SF1: variants seen among roughly 807,000 people sequenced by gnomAD.
The protein encoded by SF1 is branch point-binding protein.
Under a neutral mutation model 62.5 loss-of-function variants are expected in SF1, and 7 were observed. That is an observed-to-expected ratio of 0.11 (90% CI 0.06 to 0.21). SF1 has a LOEUF of 0.21. Among genes scored for constraint, SF1 ranks in the 10% least tolerant of loss-of-function variants. SF1 has a pLI of 1.00. For synonymous variants in SF1, 394 were observed against 323.6 expected, an observed-to-expected ratio of 1.22 and a Z score of -2.33; for missense variants, 578 against 884.0, an observed-to-expected ratio of 0.65 and a Z score of 4.39.
intron 2 of SF1, chr11:64,775,951 G>A (rs1236697481): frequency 6.4e-6 from 1 of 156,486 alleles, no homozygotes; most frequent in African/African-American, 2.4e-5. Flanking sequence ...CAGAAAAGAT[G>A]TTGAAGGGAA....
intron 8 of SF1, 131 bp from the exon 9 acceptor site, chr11:64,768,417 C>G: frequency 1.2e-6 from 1 of 806,914 alleles, no homozygotes; most frequent in South Asian, 1.6e-5. Flanking sequence ...ATCTTTCTAA[C>G]CCCTTACTGG....
chr11:64,767,966 A>C (rs1370333601), intron 9 of SF1, 122 bp from the exon 10 acceptor site: 1 of 1,467,956 alleles, frequency 6.8e-7, no homozygotes, highest in Non-Finnish European at 9.2e-7. Context: ...AGAAGTCCCC[A>C]AACTGGCCTG....
chr11:64,778,217 AG>A (rs1391056525), intron 1 of SF1, 144 bp downstream of exon 1: 23 of 1,140,204 alleles, frequency 2.0e-5, no homozygotes, highest in Non-Finnish European at 2.3e-5. Context: ...GGCCGCGGTC[AG>A]GGCCCCCATC....
rs747028951 is a variant in SF1, at chr11:64,767,769, T to C, written c.1144A>G (p.Met382Val). 5 of 1,613,608 alleles carry C rather than the reference T, an allele frequency of 3.1e-6. No individual in the cohort carries two copies. The highest frequency in any genetic ancestry group is 2.5e-6 in the Non-Finnish European group (3 of 1,179,742). ...GPSESRPYHG[M>V]HGGGPGGPGG... is the part of the protein sequence containing the mutation. ...GGCCCACCAGGACCACCTCCATGCATGCCGTGGTAGGGCCGACTCTCTGAA... is the reference window on the plus strand; with the variant it reads ...GGCCCACCAGGACCACCTCCATGCACGCCGTGGTAGGGCCGACTCTCTGAA... Residue 382 changes from methionine (M) to valine (V), a missense_variant, in exon 10 of 13, where the codon ATG (methionine) becomes GTG (valine). Met to Val is a conservative substitution (Grantham distance 21). Coordinates refer to ENST00000377390, the MANE Select transcript of SF1 (RefSeq NM_004630.4).
chr11:64,774,155 T>C (rs1256255263), intron 2 of SF1, among the ~76,000 whole-genome samples: 1 of 152,232 alleles, frequency 6.6e-6, no homozygotes, highest in Non-Finnish European at 1.5e-5. Context: ...TTATATGAAA[T>C]ATTTATTCAA....
intron 5 of SF1, 76 bp downstream of exon 5, chr11:64,769,888 C>T (rs1201209724): frequency 8.8e-7 from 1 of 1,135,814 alleles, no homozygotes; most frequent in African/African-American, 1.6e-5. Context: ...GCCAACAGTC[C>T]CCAATTAGGC....
intron 3 of SF1, 77 bp downstream of exon 3, chr11:64,773,353 A>G: frequency 1.3e-6 from 2 of 1,566,034 alleles, no homozygotes; most frequent in African/African-American, 1.4e-5. Flanking sequence ...GAACTGACAC[A>G]ATATGTTGCC....
At chr11:64,767,956 A>G (rs1937625828) in intron 9 of SF1, 112 bp from the exon 10 acceptor site, 1 of 1,477,988 alleles carries the variant, frequency 6.8e-7, no homozygotes, top group African/African-American at 1.4e-5. Context: ...TCCCGAAGTG[A>G]GAAGTCCCCA....
intron 3 of SF1, chr11:64,772,545 G>A (rs1938493590): frequency 2.0e-6 from 2 of 985,028 alleles, no homozygotes; most frequent in Non-Finnish European, 2.4e-6. Context: ...GCTATTAACT[G>A]GGTAACAAAA....
chr11:64,766,294 G>GGGGGGGGGGGGGGGGGGGGGGGGGGGGC, intron 12 of SF1, 139 bp from the exon 13 acceptor site: 1 of 85,180 alleles, frequency 1.2e-5, no homozygotes, highest in Non-Finnish European at 2.3e-5. Flanking sequence ...GGTGGGCGGG[G>GGGGGGGGGGGGGGGGGGGGGGGGGGGGC]CTGGTGATGG....
At position 64,778,407 on chromosome 11, in the gene SF1, C is replaced by T. The variant is rs1321606138; in HGVS notation, c.-15G>A. ...CCGGTCGCCATGGCGCCCCCGGGGA[C>T]AGGCACCGGCACCTGCTTTTCCTCT... On this transcript the variant is annotated 5_prime_UTR_variant, in exon 1 of 13. Transcript: ENST00000377390. 12 of 1,227,382 alleles carry T rather than the reference C, an allele frequency of 9.8e-6. No homozygotes were observed. Among genetic ancestry groups the T allele is most frequent in the Middle Eastern group, 4.3e-4 (2 of 4,614 alleles). 76.0% of individuals were successfully genotyped at this position (1,227,382 alleles called of 1,614,324 possible).
At chr11:64,778,222 C>T (rs1404520218) in intron 1 of SF1, 140 bp downstream of exon 1, 13 of 1,163,028 alleles carry the variant, frequency 1.1e-5, no homozygotes, top group Non-Finnish European at 7.5e-6. Flanking sequence ...CGGTCAGGGC[C>T]CCCATCGAGC....
rs557139628 is a variant in SF1 at position 64,778,519 on chromosome 11, G to GGGCGGC, written c.-133_-128dup. On this transcript the variant is annotated 5_prime_UTR_variant, in exon 1 of 13. Transcript: ENST00000377390. ...CGCGGAGCCCGTCCTCTCACGCGGC[G>GGGCGGC]GGCGGCGGCGGCGCGAGACGCACAA... is the stretch of plus-strand genomic sequence containing the variant. 9.5e-5 allele frequency: 114 copies of GGGCGGC among 1,202,208 alleles called. No individual in the cohort carries two copies. The African/African-American group carries it at 1.6e-3, about 17-fold the overall frequency. The allele number at this position is 1,202,208 out of a possible 1,614,324, so 74.5% of individuals were successfully genotyped here. A position where few individuals can be genotyped will look rare whatever the true frequency, so the allele number is the denominator to read the frequency against.
chr11:64,765,887 G>A lies in SF1; in HGVS notation c.1851C>T (p.Gly617=). 1.3e-6 allele frequency: 2 copies of A among 1,564,586 alleles called. No homozygotes were observed. The highest frequency in any genetic ancestry group is 1.7e-6 in the Non-Finnish European group (2 of 1,154,918). ...AGGGCGGCATGCCCGCCACCCCCAT[G>A]CCCATCATGGTGACAAAGTTAGAAG... ...MDPSNFVTMM[G]MGVAGMPPFG... The change falls in exon 13 of 13, where the codon GGC becomes GGT. Residue 617 remains glycine (G), a synonymous_variant. Coordinates refer to ENST00000377390, the MANE Select transcript of SF1 (RefSeq NM_004630.4).
rs148875917 is a variant in SF1 at position 64,769,420 on chromosome 11, G to C, written c.663+6C>G. ...AGGAGGCTTCCTTTCTGGGCTCACC[G>C]CTCACCTGTTCCACTGCCTTTTTGA... is the stretch of plus-strand genomic sequence containing the variant. On this transcript the variant is annotated splice_donor_region_variant and intron_variant, in intron 6 of 12. Coordinates refer to ENST00000377390, the MANE Select transcript of SF1 (RefSeq NM_004630.4). 1.2e-6 allele frequency: 2 copies of C among 1,614,056 alleles called. No homozygotes were observed. The highest frequency in any genetic ancestry group is 1.7e-5 in the Admixed American group (1 of 60,028).
intron 2 of SF1, among the ~76,000 whole-genome samples, chr11:64,775,876 C>G (rs936888722): frequency 1.3e-5 from 2 of 152,148 alleles, no homozygotes; most frequent in African/African-American, 2.4e-5. Context: ...ATCCCTTTCC[C>G]AGCAGAGTTC....
chr11:64,777,761 T>C, intron 1 of SF1: 6 of 985,510 alleles, frequency 6.1e-6, no homozygotes, highest in South Asian at 4.7e-5. Context: ...TCACTGCGTC[T>C]GCGCACAGAG....
At chr11:64,771,460 A>C in intron 3 of SF1, 1 of 985,382 alleles carries the variant, frequency 1.0e-6, no homozygotes, top group Non-Finnish European at 1.2e-6. Flanking sequence ...CAAGACTCCT[A>C]TACCCTTGGT....
intron 1 of SF1, 63 bp from the exon 2 acceptor site, chr11:64,776,689 G>A (rs939498947): frequency 1.2e-5 from 18 of 1,494,874 alleles, no homozygotes; most frequent in East Asian, 2.3e-5. Flanking sequence ...GACAGCTAAG[G>A]GTATTTAAGG....
Sources: allele counts gnomAD v4.1 joint callset (sites outside exome capture counted in the v4.1 genomes callset), GRCh38; gene constraint gnomAD v4.1.1; transcripts MANE v1.5; gene names NCBI Gene and HGNC (gene_info 2026-07-23, HGNC 2026-07-21).